CCSER1: variants seen among roughly 807,000 people sequenced by gnomAD.
CCSER1 encodes serine-rich coiled-coil domain-containing protein 1.
In CCSER1, 41 loss-of-function variants were observed where a neutral mutation model predicts 82.0. The ratio of observed to expected loss-of-function variants is 0.50; its 90% CI spans 0.39 to 0.65. The LOEUF is 0.65. Ranked by LOEUF, CCSER1 falls within the 30% of genes least tolerant of loss-of-function variation. CCSER1 has a pLI of 0.00. For missense variants in CCSER1, 1,119 were observed against 1,064.2 expected (o/e 1.05, Z -0.72); for synonymous variants, 414 against 383.9 (o/e 1.08, Z -0.92).
At chr4:91,178,364 C>G (rs891243800) in intron 10 of CCSER1, among the ~76,000 whole-genome samples, 1 of 151,128 alleles carries the variant, frequency 6.6e-6, no homozygotes, top group Admixed American at 6.6e-5. Context: ...CCTGGATATC[C>G]TTGTTAACAT....
intron 10 of CCSER1, among the ~76,000 whole-genome samples, chr4:91,174,980 A>C (rs571702771): frequency 3.3e-4 from 50 of 150,342 alleles, no homozygotes; most frequent in African/African-American, 1.2e-3. Flanking sequence ...TGCTCCCCCC[A>C]CCCCACAACA....
chr4:90,571,183 G>A (rs996662638), intron 5 of CCSER1, among the ~76,000 whole-genome samples: 1 of 152,140 alleles, frequency 6.6e-6, no homozygotes, highest in Non-Finnish European at 1.5e-5. Context: ...ATTTCTCAAA[G>A]AACTAAAAAT....
At position 91,011,045 on chromosome 4, in the gene CCSER1, A is replaced by G. The variant is rs575427387; in HGVS notation, c.2173-74905A>G. 6.0e-5 allele frequency among the ~76,000 whole-genome samples: 8 copies of G among 134,362 alleles called. 2 individuals are homozygous for G. The East Asian group carries it at 1.2e-3, about 20-fold the overall frequency. The allele number at this position is 134,362 out of a possible 152,430, so 88.1% of individuals were successfully genotyped here. ...TCAGGTCTGGAAATTACTTCTTCCAAATTTTACTGAGTGGCTTTTGAAGGG... is the reference window on the plus strand; with the variant it reads ...TCAGGTCTGGAAATTACTTCTTCCAGATTTTACTGAGTGGCTTTTGAAGGG... On this transcript the variant is annotated intron_variant, in intron 9 of 10. Coordinates refer to ENST00000509176, the MANE Select transcript of CCSER1 (RefSeq NM_001145065.2).
intron 8 of CCSER1, among the ~76,000 whole-genome samples, chr4:90,868,111 T>A (rs1765969909): frequency 6.6e-6 from 1 of 152,094 alleles, no homozygotes; most frequent in Non-Finnish European, 1.5e-5. Context: ...ATGAGATACT[T>A]TGATATAGGC....
At chr4:90,375,726 GC>G (rs1256230730) in intron 3 of CCSER1, among the ~76,000 whole-genome samples, 1 of 152,082 alleles carries the variant, frequency 6.6e-6, no homozygotes, top group Non-Finnish European at 1.5e-5. Flanking sequence ...GCAAAACATT[GC>G]CAAACCTCTG....
intron 1 of CCSER1, among the ~76,000 whole-genome samples, chr4:90,204,912 C>G: frequency 6.6e-6 from 1 of 151,930 alleles, no homozygotes; most frequent in South Asian, 2.1e-4. Flanking sequence ...CCTTTACATC[C>G]CTTGTAAGTT....
intron 5 of CCSER1, among the ~76,000 whole-genome samples, chr4:90,538,672 G>A (rs1002380833): frequency 6.6e-6 from 1 of 151,912 alleles, no homozygotes; most frequent in African/African-American, 2.4e-5. Flanking sequence ...ATTCTAGCAT[G>A]TTTATAAAAC....
chr4:91,009,214 G>T (rs1489490535), intron 9 of CCSER1, among the ~76,000 whole-genome samples: 1 of 152,184 alleles, frequency 6.6e-6, no homozygotes, highest in Non-Finnish European at 1.5e-5. Flanking sequence ...GCATTTGCAA[G>T]ATTTAATAGA....
intron 10 of CCSER1, among the ~76,000 whole-genome samples, chr4:91,383,552 G>A (rs912459631): frequency 8.6e-5 from 13 of 151,994 alleles, no homozygotes; most frequent in Non-Finnish European, 2.9e-5. Context: ...AACTTTAAGA[G>A]TTTAGGATAA....
chr4:91,286,087 C>T (rs1476265347), intron 10 of CCSER1, among the ~76,000 whole-genome samples: 1 of 151,018 alleles, frequency 6.6e-6, no homozygotes, highest in Non-Finnish European at 1.5e-5. Flanking sequence ...TTATGGTTGC[C>T]ATTTTAACTA....
At chr4:91,178,066 G>A (rs1214762604) in intron 10 of CCSER1, among the ~76,000 whole-genome samples, 2 of 152,092 alleles carry the variant, frequency 1.3e-5, no homozygotes, top group African/African-American at 2.4e-5. Context: ...CTTTTGTTAT[G>A]TACCCAGTAG....
At chr4:90,484,828 C>G (rs866418852) in intron 5 of CCSER1, among the ~76,000 whole-genome samples, 1 of 152,188 alleles carries the variant, frequency 6.6e-6, no homozygotes, top group Non-Finnish European at 1.5e-5. Flanking sequence ...GGGTTAGGGA[C>G]CCTCTTGAGG....
intron 10 of CCSER1, among the ~76,000 whole-genome samples, chr4:91,592,990 A>G (rs1439972135): frequency 6.6e-6 from 1 of 152,186 alleles, no homozygotes; most frequent in African/African-American, 2.4e-5. Flanking sequence ...CAAGGAAAAG[A>G]ACTTCAGAAA....
At chr4:91,465,542 C>A (rs1560693450) in intron 10 of CCSER1, among the ~76,000 whole-genome samples, 1 of 151,938 alleles carries the variant, frequency 6.6e-6, no homozygotes. Flanking sequence ...AAAAACCCTT[C>A]AAAAAATCAG....
At chr4:91,335,130 G>T (rs1047119373) in intron 10 of CCSER1, among the ~76,000 whole-genome samples, 1 of 152,016 alleles carries the variant, frequency 6.6e-6, no homozygotes, top group African/African-American at 2.4e-5. Context: ...GATTCTCCAG[G>T]CTCTTTATAG....
chr4:90,926,834 T>G (rs1729126611), intron 9 of CCSER1, among the ~76,000 whole-genome samples: 1 of 152,034 alleles, frequency 6.6e-6, no homozygotes, highest in African/African-American at 2.4e-5. Flanking sequence ...AAGAATAATT[T>G]CTTAGGTGTC....
At chr4:91,382,303 G>T (rs1221332844) in intron 10 of CCSER1, among the ~76,000 whole-genome samples, 2 of 152,174 alleles carry the variant, frequency 1.3e-5, no homozygotes, top group African/African-American at 2.4e-5. Flanking sequence ...CTGCCCCCAT[G>T]GGTAGAGTCT....
chr4:90,489,520 T>C (rs1767634861), intron 5 of CCSER1, among the ~76,000 whole-genome samples: 1 of 152,134 alleles, frequency 6.6e-6, no homozygotes, highest in Non-Finnish European at 1.5e-5. Flanking sequence ...AAATTCTTTT[T>C]TTAATTTTTA....
rs923043497 is a variant in CCSER1, at chr4:90,370,371, C to T, written c.1510-29665C>T. 1.4e-4 allele frequency: 22 copies of T among 152,096 alleles called. 1 individual carries two copies. The highest frequency in any genetic ancestry group is 4.6e-4 in the African/African-American group (19 of 41,550). 9.4% of individuals were successfully genotyped at this position (152,096 alleles called of 1,614,324 possible). On this transcript the variant is annotated intron_variant, in intron 3 of 10. Transcript: ENST00000509176. The stretch of plus-strand genomic sequence containing the variant: ...TGCTATGGAGTCCATAAAAAGTATG[C>T]TGATTTTCACTTATTTCTAGAAAAT...
Sources: allele counts gnomAD v4.1 joint callset (sites outside exome capture counted in the v4.1 genomes callset), GRCh38; gene constraint gnomAD v4.1.1; transcripts MANE v1.5; gene names NCBI Gene and HGNC (gene_info 2026-07-23, HGNC 2026-07-21).